Variants in USO1 observed in about 807,000 individuals in gnomAD.
USO1 encodes the protein general vesicular transport factor p115.
USO1 carries 57 observed loss-of-function variants against 124.5 expected under a neutral mutation model. The ratio of observed to expected loss-of-function variants is 0.46; its 90% confidence interval spans 0.37 to 0.57. USO1 has a LOEUF of 0.57. USO1 is among the 20% of genes least tolerant of loss of function. The pLI, the probability that USO1 is intolerant of heterozygous loss-of-function variation, is 0.00. For missense variants in USO1, 900 were observed against 1,040.6 expected (o/e 0.86, Z 1.86); for synonymous variants, 369 against 362.8 (o/e 1.02, Z -0.19).
intron 4 of USO1, among the ~76,000 whole-genome samples, chr4:75,759,096 T>G (rs1222506668): frequency 6.6e-6 from 1 of 151,988 alleles, no homozygotes; most frequent in Non-Finnish European, 1.5e-5. Flanking sequence ...AGCAACAATA[T>G]TTTTTAGTTA....
intron 1 of USO1, among the ~76,000 whole-genome samples, chr4:75,737,030 G>A (rs541377040): frequency 6.6e-6 from 1 of 152,312 alleles, no homozygotes; most frequent in South Asian, 2.1e-4. Flanking sequence ...ACTCGAGCCT[G>A]CATATCCTGA....
chr4:75,774,344 T>TA (rs1261478553), intron 7 of USO1, among the ~76,000 whole-genome samples: 1 of 152,238 alleles, frequency 6.6e-6, no homozygotes, highest in Non-Finnish European at 1.5e-5. Flanking sequence ...CTGAGACAGA[T>TA]ACTTTCATGC....
In USO1 at chr4:75,813,938, G is replaced by A. The variant is rs1037399608; in HGVS notation, c.*643G>A. ...TGGAGGGCATTCCGGAGAAACTTTT[G>A]CAACAGTGTATTAATGTGATTGGTT... is the stretch of plus-strand genomic sequence containing the variant. On this transcript the variant is annotated 3_prime_UTR_variant, in exon 24 of 24. Transcript: ENST00000514213. 1.3e-5 allele frequency: 2 copies of A among 152,296 alleles called. No individual in the cohort carries two copies. Among genetic ancestry groups the A allele is most frequent in the East Asian group, 1.9e-4 (1 of 5,188 alleles). 9.4% of individuals were successfully genotyped at this position (152,296 alleles called of 1,614,324 possible).
intron 13 of USO1, 139 bp downstream of exon 13, chr4:75,794,040 G>T (rs1244058473): frequency 7.5e-7 from 1 of 1,339,342 alleles, no homozygotes; most frequent in African/African-American, 1.5e-5. Flanking sequence ...ATCAGAAACA[G>T]TTTTGTGGAG....
At position 75,752,405 on chromosome 4, in the gene USO1, T is replaced by C; in HGVS notation, c.99T>C (p.Ser33=). ...IQKLCDRVAS[S]TLLDDRRNAV... is the part of the protein sequence containing the mutation. The stretch of plus-strand genomic sequence containing the variant: ...AGCTTTGTGACAGAGTAGCTTCATC[T>C]ACTTTATTGGATGATCGAAGAAATG... Residue 33 remains serine (S), a synonymous_variant, in exon 2 of 24, where the codon TCT becomes TCC. Transcript: ENST00000514213. 1 of 398,454 alleles carries C rather than the reference T, an allele frequency of 2.5e-6. No homozygotes were observed. Among genetic ancestry groups the C allele is most frequent in the East Asian group, 3.6e-5 (1 of 28,012 alleles). 24.7% of individuals were successfully genotyped at this position (398,454 alleles called of 1,614,324 possible). A position where few individuals can be genotyped will look rare whatever the true frequency, so the allele number is the denominator to read the frequency against.
rs531138118 is a variant in USO1, at chr4:75,730,815, C to CT, written c.66+5944dup. 1.6e-3 allele frequency among the ~76,000 whole-genome samples: 236 copies of CT among 148,446 alleles called. 1 individual carries two copies. The highest frequency in any genetic ancestry group is 5.2e-3 in the African/African-American group (210 of 40,086). On this transcript the variant is annotated intron_variant, in intron 1 of 23. Coordinates refer to ENST00000514213, the MANE Select transcript of USO1 (RefSeq NM_003715.4). ...AAGTTATTCACCATTAATTTGAAAA[C>CT]TTTTTTTTTTTTTTAAAGAGACAGG...
intron 8 of USO1, among the ~76,000 whole-genome samples, chr4:75,776,157 G>C (rs1274092936): frequency 6.6e-6 from 1 of 152,164 alleles, no homozygotes; most frequent in Non-Finnish European, 1.5e-5. Context: ...CAAGCCTCAA[G>C]GGAACAGGAG....
chr4:75,797,243 T>TC (rs1268174182), intron 13 of USO1, among the ~76,000 whole-genome samples: 2 of 152,122 alleles, frequency 1.3e-5, no homozygotes, highest in African/African-American at 4.8e-5. Flanking sequence ...TCTTTTTTTT[T>TC]CATTTAATTC....
intron 1 of USO1, among the ~76,000 whole-genome samples, chr4:75,733,683 G>A (rs1011403970): frequency 6.6e-6 from 1 of 152,062 alleles, no homozygotes; most frequent in African/African-American, 2.4e-5. Flanking sequence ...GTTTTTGCCT[G>A]TTGAATTAAG....
chr4:75,804,843 AT>A (rs1185967765), intron 18 of USO1, among the ~76,000 whole-genome samples: 2 of 152,184 alleles, frequency 1.3e-5, no homozygotes, highest in African/African-American at 2.4e-5. Flanking sequence ...TTTTAAAAGG[AT>A]TTTATTTTCT....
intron 1 of USO1, among the ~76,000 whole-genome samples, chr4:75,750,257 G>T (rs1386388090): frequency 6.6e-6 from 1 of 151,968 alleles, no homozygotes; most frequent in African/African-American, 2.4e-5. Context: ...AATATAGTTA[G>T]ACCCTGTCTC....
chr4:75,760,078 G>A (rs980763686), intron 4 of USO1, among the ~76,000 whole-genome samples: 4 of 152,032 alleles, frequency 2.6e-5, no homozygotes, highest in African/African-American at 4.8e-5. Flanking sequence ...CGGGCGTGGT[G>A]GTGCACACCT....
intron 1 of USO1, chr4:75,730,013 A>C (rs1328214379): frequency 3.1e-6 from 1 of 325,854 alleles, no homozygotes; most frequent in Non-Finnish European, 6.1e-6. Context: ...GATGTATTCT[A>C]CATTAATAAC....
rs1319743622 is a variant in USO1 at position 75,724,628 on chromosome 4, T to A, written c.-192T>A. 3 of 587,200 alleles carry A rather than the reference T, an allele frequency of 5.1e-6. No homozygotes were observed. The highest frequency in any genetic ancestry group is 9.0e-4 in the Middle Eastern group (2 of 2,232). The allele number at this position is 587,200 out of a possible 1,614,324, so 36.4% of individuals were successfully genotyped here. A position where few individuals can be genotyped will look rare whatever the true frequency, so the allele number is the denominator to read the frequency against. On this transcript the variant is annotated 5_prime_UTR_variant, in exon 1 of 24. It removes an upstream start codon present in the reference 5' UTR. Coordinates refer to ENST00000514213, the MANE Select transcript of USO1 (RefSeq NM_003715.4). ...CCACGTAATGCCACGTCCCCGCGCA[T>A]GCGCATCTTGGCCGCTGCTGGCGGC... is the stretch of plus-strand genomic sequence containing the variant.
chr4:75,790,919 A>AC (rs1722511244), intron 12 of USO1, 122 bp downstream of exon 12: 2 of 1,215,808 alleles, frequency 1.6e-6, no homozygotes, highest in Non-Finnish European at 2.1e-6. Flanking sequence ...GAGAAAAAAA[A>AC]AAAACAAAAA....
At chr4:75,796,913 A>T (rs1239171504) in intron 13 of USO1, among the ~76,000 whole-genome samples, 12 of 135,136 alleles carry the variant, frequency 8.9e-5, no homozygotes, top group Middle Eastern at 4.1e-3. Context: ...TTGTCTTTTG[A>T]CCTTGGTGTT....
chr4:75,748,428 A>G (rs745757541), intron 1 of USO1, among the ~76,000 whole-genome samples: 2 of 151,628 alleles, frequency 1.3e-5, no homozygotes, highest in African/African-American at 2.4e-5. Flanking sequence ...AGCTCAGGCA[A>G]TCCACCCCTC....
chr4:75,738,352 G>A (rs1052015808), intron 1 of USO1, among the ~76,000 whole-genome samples: 1 of 151,884 alleles, frequency 6.6e-6, no homozygotes, highest in Non-Finnish European at 1.5e-5. Context: ...AGCTGCTTGG[G>A]AGGCTGAGGC....
chr4:75,802,675 A>AAT (rs1395388288), intron 17 of USO1, among the ~76,000 whole-genome samples: 1 of 151,816 alleles, frequency 6.6e-6, no homozygotes, highest in East Asian at 1.9e-4. Flanking sequence ...AAGTAGATGC[A>AAT]ATACAATTTA....
Sources: allele counts gnomAD v4.1 joint callset (sites outside exome capture counted in the v4.1 genomes callset), GRCh38; gene constraint gnomAD v4.1.1; transcripts MANE v1.5; gene names NCBI Gene and HGNC (gene_info 2026-07-23, HGNC 2026-07-21).